The following EIF4G1 variants were observed in gnomAD, a reference collection of about 807,000 sequenced individuals.
EIF4G1 encodes the protein eukaryotic translation initiation factor 4 gamma 1, also known as EIF4-gamma.
Under a neutral mutation model 187.8 loss-of-function variants are expected in EIF4G1, and 4 were observed. That is an observed-to-expected ratio of 0.02 (90% confidence interval 0.01 to 0.05). EIF4G1 has a LOEUF of 0.05. Among genes scored for constraint, EIF4G1 ranks in the 10% least tolerant of loss-of-function variants. The pLI, the probability that EIF4G1 is intolerant of heterozygous loss-of-function variation, is 1.00. For synonymous variants in EIF4G1, 844 were observed against 781.4 expected (o/e 1.08, Z -1.34); for missense variants, 1,647 against 2,081.1 (o/e 0.79, Z 4.06).
intron 28 of EIF4G1, among the ~76,000 whole-genome samples, chr3:184,330,093 A>C (rs1168437778): frequency 6.6e-6 from 1 of 152,212 alleles, no homozygotes; most frequent in Non-Finnish European, 1.5e-5. Flanking sequence ...TGCGCTGTTA[A>C]GAAAGAAAAG....
In EIF4G1 at chr3:184,315,822, G is replaced by GCCCCCCCCCCCCCCCCCCCCCC; in HGVS notation, c.32_33insCCCCCCCCCCCCCCCCCCCCCC (p.Ala13ProfsTer49). 6.5e-7 allele frequency: 1 copy of GCCCCCCCCCCCCCCCCCCCCCC among 1,544,498 alleles called. No individual in the cohort carries two copies. Among genetic ancestry groups the GCCCCCCCCCCCCCCCCCCCCCC allele is most frequent in the Non-Finnish European group, 8.8e-7 (1 of 1,140,804 alleles). On this transcript the variant is annotated frameshift_variant, in exon 3 of 33. Transcript: ENST00000346169. LOFTEE classifies it high-confidence loss of function. ...ATGAACAAAGCTCCACAGTCCACAG[G>GCCCCCCCCCCCCCCCCCCCCCC]CCCCCCACCCGCCCCATCCCCCGGA...
At chr3:184,332,772 CAG>C (rs1327622611) in intron 32 of EIF4G1, among the ~76,000 whole-genome samples, 1 of 151,888 alleles carries the variant, frequency 6.6e-6, no homozygotes, top group Non-Finnish European at 1.5e-5. Context: ...GAACTTGACA[CAG>C]GGAAAAGAAC....
chr3:184,326,900 A>AGCT lies in EIF4G1; in HGVS notation c.3346_3348dup (p.Ala1116dup), dbSNP rs1251979013. The AGCT allele has an allele frequency of 6.2e-7, 1 of 1,614,246 alleles. No homozygotes were observed. The highest frequency in any genetic ancestry group is 1.1e-5 in the South Asian group (1 of 91,090). ...CCCCAGCATCAGAAGCTGCTCGCCC[A>AGCT]GCTACTAGTACTTTGAATCGCTTCT... On this transcript the variant is annotated inframe_insertion, in exon 23 of 33. Coordinates refer to ENST00000346169, the MANE Select transcript of EIF4G1 (RefSeq NM_198241.3).
chr3:184,331,738 G>T lies in EIF4G1; in HGVS notation c.4406G>T (p.Ser1469Ile). Residue 1469 changes from serine to isoleucine, a missense_variant, in exon 31 of 33, where the codon AGT (serine) becomes ATT (isoleucine). Ser to Ile is a moderately radical substitution (Grantham distance 142). Coordinates refer to ENST00000346169, the MANE Select transcript of EIF4G1 (RefSeq NM_198241.3). ...RVFDWIEANL[S>I]EQQIVSNTLV... The stretch of plus-strand genomic sequence containing the variant: ...GTTTCTCCCATACAGGCCAACCTGA[G>T]TGAGCAGCAGATAGTATCCAACACG... The T allele has an allele frequency of 6.2e-7, 1 of 1,614,224 alleles. No homozygotes were observed. The highest frequency in any genetic ancestry group is 1.1e-5 in the South Asian group (1 of 91,088).
intron 32 of EIF4G1, among the ~76,000 whole-genome samples, chr3:184,333,599 G>T (rs1726550986): frequency 6.6e-6 from 1 of 152,178 alleles, no homozygotes; most frequent in East Asian, 1.9e-4. Flanking sequence ...GCCTGAAAAT[G>T]CAGGATGTTT....
chr3:184,331,665 A>G (rs1726137009), intron 30 of EIF4G1, 59 bp downstream of exon 30: 1 of 1,613,728 alleles, frequency 6.2e-7, no homozygotes, highest in Non-Finnish European at 8.5e-7. Context: ...GGGTGGGGGC[A>G]GCAAGAATGA....
intron 11 of EIF4G1, 30 bp downstream of exon 11, chr3:184,322,480 G>C: frequency 6.2e-7 from 1 of 1,613,696 alleles, no homozygotes; most frequent in Non-Finnish European, 8.5e-7. Flanking sequence ...GAGGGGAGAG[G>C]GCCAAGTTGA....
chr3:184,321,314 C>T lies in EIF4G1; in HGVS notation c.730C>T (p.Arg244Trp), dbSNP rs750265716. 12 of 1,614,030 alleles carry T rather than the reference C, an allele frequency of 7.4e-6. No homozygotes were observed. The East Asian group carries it at 8.9e-5, about 12-fold the overall frequency. Residue 244 changes from arginine (R) to tryptophan (W), a missense_variant, in exon 10 of 33, where the codon CGG becomes TGG. Physicochemically the swap from Arg to Trp is moderately radical, Grantham distance 101. This residue lies in a region of EIF4G1 where 522 missense variants were observed against 485.2 expected (regional missense o/e 1.08). Coordinates refer to ENST00000346169, the MANE Select transcript of EIF4G1 (RefSeq NM_198241.3). ...GTCACAGGGAGCAATCATTGCTGAC[C>T]GGCCAGGGCTGCCTGGCCCAGAGCA... ...DRSQGAIIAD[R>W]PGLPGPEHSP...
At chr3:184,328,114 T>C (rs772404025) in intron 26 of EIF4G1, 112 bp downstream of exon 26, 15 of 1,300,742 alleles carry the variant, frequency 1.2e-5, no homozygotes, top group Non-Finnish European at 1.6e-5. Flanking sequence ...CCGGGTGTGG[T>C]GGCTTATGCC....
chr3:184,322,216 GA>G, intron 10 of EIF4G1, 113 bp downstream of exon 10: 5 of 1,558,478 alleles, frequency 3.2e-6, no homozygotes, highest in Non-Finnish European at 4.4e-6. Context: ...TGGAATCTAA[GA>G]ACTAGATTAA....
At position 184,331,986 on chromosome 3, in the gene EIF4G1, G is replaced by A. The variant is rs11559217; in HGVS notation, c.4518G>A (p.Ala1506=). 172 of 1,614,082 alleles carry A rather than the reference G, an allele frequency of 1.1e-4. No homozygotes were observed. The highest frequency in any genetic ancestry group is 1.4e-4 in the Non-Finnish European group (164 of 1,180,040). ...PLRVDVAVLK[A]RAKLLQKYLC... is the part of the protein sequence containing the mutation. ...GAGTGGACGTTGCAGTGCTGAAAGC[G>A]CGAGCGAAGCTGCTGCAGAAATACC... Residue 1506 remains alanine, a synonymous_variant, in exon 32 of 33, where the codon GCG becomes GCA. Transcript: ENST00000346169.
intron 32 of EIF4G1, among the ~76,000 whole-genome samples, chr3:184,333,927 C>T (rs1186926682): frequency 6.6e-6 from 1 of 152,072 alleles, no homozygotes; most frequent in Non-Finnish European, 1.5e-5. Context: ...TGGCCCATTG[C>T]TATGGGGTGG....
chr3:184,335,012 C>T lies in EIF4G1; in HGVS notation c.*104C>T. On this transcript the variant is annotated 3_prime_UTR_variant, in exon 33 of 33. Coordinates refer to ENST00000346169, the MANE Select transcript of EIF4G1 (RefSeq NM_198241.3). ...CAGCAGCGGCGGTGGCAGTGGGTGC[C>T]TGTAGTGTGATGTGTCTGAACTAAT... The T allele has an allele frequency of 6.8e-7, 1 of 1,470,754 alleles. No homozygotes were observed. Among genetic ancestry groups the T allele is most frequent in the Non-Finnish European group, 9.3e-7 (1 of 1,075,110 alleles). 91.1% of individuals were successfully genotyped at this position (1,470,754 alleles called of 1,614,324 possible).
At chr3:184,320,280 C>G in intron 7 of EIF4G1, 1 of 1,247,412 alleles carries the variant, frequency 8.0e-7, no homozygotes, top group Non-Finnish European at 1.0e-6. Flanking sequence ...CCCCAGAGAT[C>G]AGGCACACTA....
intron 1 of EIF4G1, 175 bp from the exon 2 acceptor site, chr3:184,315,314 C>G (rs1189660320): frequency 4.0e-6 from 2 of 495,314 alleles, no homozygotes; most frequent in Non-Finnish European, 8.0e-6. Context: ...ATCCTGTGTG[C>G]CCCTGGGCCA....
Position 184,323,665 on chromosome 3 carries a change from C to T in EIF4G1, c.2274+72C>T. On this transcript the variant is annotated intron_variant, in intron 15 of 32. Transcript: ENST00000346169. The surrounding 1 kb of genome is among the most constrained non-coding windows in gnomAD (Gnocchi z 6.9). ...TCTGCCATCTGTGCCCTCTTTGCTT[C>T]TTTTTGTCCTTATCACTAGCATCTG... 1 of 1,611,032 alleles carries T rather than the reference C, an allele frequency of 6.2e-7. No homozygotes were observed. Among genetic ancestry groups the T allele is most frequent in the Middle Eastern group, 2.0e-4 (1 of 5,044 alleles).
chr3:184,326,315 A>ATGG (rs1388766919), intron 21 of EIF4G1, among the ~76,000 whole-genome samples: 9 of 152,348 alleles, frequency 5.9e-5, no homozygotes, highest in African/African-American at 2.2e-4. Context: ...GTTTTATTGG[A>ATGG]ACACAGTCAC....
In EIF4G1 at chr3:184,331,456, G is replaced by A. The variant is rs1428975578; in HGVS notation, c.4261-16G>A. The A allele has an allele frequency of 6.2e-7, 1 of 1,614,056 alleles. No homozygotes were observed. The highest frequency in any genetic ancestry group is 1.3e-5 in the African/African-American group (1 of 74,910). ...TGGCAACCTTACCTCTTAACTGCGG[G>A]CCTTTTCCATTGCAGAAGGTGGAGT... On this transcript the variant is annotated splice_polypyrimidine_tract_variant and intron_variant, in intron 29 of 32. Coordinates refer to ENST00000346169, the MANE Select transcript of EIF4G1 (RefSeq NM_198241.3).
At chr3:184,329,256 G>A in intron 28 of EIF4G1, 2 of 499,382 alleles carry the variant, frequency 4.0e-6, no homozygotes, top group Admixed American at 3.3e-5. Context: ...TTGAACTAGG[G>A]TTTTGTTGAT....
Sources: allele counts gnomAD v4.1 joint callset (sites outside exome capture counted in the v4.1 genomes callset), GRCh38; gene constraint gnomAD v4.1.1; regional missense constraint gnomAD v4.1.1; non-coding constraint Gnocchi (gnomAD v3.1); transcripts MANE v1.5; gene names NCBI Gene and HGNC (gene_info 2026-07-23, HGNC 2026-07-21).